CEP57: variants seen among roughly 807,000 people sequenced by gnomAD.
CEP57 encodes the protein centrosomal protein of 57 kDa.
In CEP57, 40 loss-of-function variants were observed where a neutral mutation model predicts 68.0. The ratio of observed to expected loss-of-function variants is 0.59; its 90% CI spans 0.46 to 0.77. The LOEUF (loss-of-function observed/expected upper bound fraction) is 0.77. CEP57 is among the 30% of genes least tolerant of loss of function. The pLI, the probability that CEP57 is intolerant of heterozygous loss-of-function variation, is 0.00. For synonymous variants in CEP57, 219 were observed against 198.7 expected, an observed-to-expected ratio of 1.10 and a Z score of -0.86; for missense variants, 606 against 580.7, an observed-to-expected ratio of 1.04 and a Z score of -0.45.
intron 9 of CEP57, among the ~76,000 whole-genome samples, chr11:95,828,633 T>C (rs1187719788): frequency 6.6e-6 from 1 of 152,244 alleles, no homozygotes; most frequent in Non-Finnish European, 1.5e-5. Context: ...AGAGCAAGAT[T>C]CATCTGTAGA....
chr11:95,800,307 C>T (rs1821533599), intron 2 of CEP57, among the ~76,000 whole-genome samples: 1 of 152,074 alleles, frequency 6.6e-6, no homozygotes, highest in African/African-American at 2.4e-5. Flanking sequence ...ACAGTCTTTG[C>T]TCCTAGAAAC....
chr11:95,813,593 A>G lies in CEP57; in HGVS notation c.504+4A>G, dbSNP rs1018987176. 1.2e-6 allele frequency: 2 copies of G among 1,612,480 alleles called. No homozygotes were observed. The highest frequency in any genetic ancestry group is 2.7e-5 in the African/African-American group (2 of 74,920). ...GACATCTGTCTTAGAGAAACAAGTA[A>G]GTAAAGCACCTCACAGATTGATACT... is the stretch of plus-strand genomic sequence containing the variant. On this transcript the variant is annotated splice_donor_region_variant and intron_variant, in intron 4 of 10. Transcript: ENST00000325542.
At chr11:95,829,420 T>C in intron 10 of CEP57, 89 bp downstream of exon 10, 1 of 1,302,924 alleles carries the variant, frequency 7.7e-7, no homozygotes, top group Non-Finnish European at 1.1e-6. Flanking sequence ...ACTAAGTGTA[T>C]CATAGATAAA....
intron 8 of CEP57, chr11:95,823,081 A>C (rs191038883): frequency 1.8e-5 from 3 of 165,670 alleles, no homozygotes; most frequent in African/African-American, 7.2e-5. Flanking sequence ...TATATCAAGT[A>C]CTGAGTGAAG....
chr11:95,809,923 C>T (rs1308473641), intron 2 of CEP57, among the ~76,000 whole-genome samples: 3 of 152,186 alleles, frequency 2.0e-5, no homozygotes, highest in Non-Finnish European at 4.4e-5. Flanking sequence ...ACCGATATCC[C>T]TGATGATCAT....
At position 95,790,596 on chromosome 11, in the gene CEP57, T is replaced by C; in HGVS notation, c.-103T>C. ...ACCCTTGCCCTTTTCCATCAGGGGT[T>C]CAGCCTAGGGTCCCCGCTGGTGGGC... On this transcript the variant is annotated 5_prime_UTR_variant, in exon 1 of 11. Coordinates refer to ENST00000325542, the MANE Select transcript of CEP57 (RefSeq NM_014679.5). 1 of 1,416,842 alleles carries C rather than the reference T, an allele frequency of 7.1e-7. No individual in the cohort carries two copies. Among genetic ancestry groups the C allele is most frequent in the South Asian group, 1.2e-5 (1 of 81,912 alleles). 87.8% of individuals were successfully genotyped at this position (1,416,842 alleles called of 1,614,324 possible). A position where few individuals can be genotyped will look rare whatever the true frequency, so the allele number is the denominator to read the frequency against.
intron 1 of CEP57, among the ~76,000 whole-genome samples, chr11:95,791,221 C>T (rs546619269): frequency 3.3e-5 from 5 of 152,324 alleles, no homozygotes; most frequent in African/African-American, 9.6e-5. Flanking sequence ...CCTGCAGTGC[C>T]TCCCACTCCC....
intron 8 of CEP57, chr11:95,826,234 C>G (rs1369787753): frequency 6.6e-6 from 1 of 152,110 alleles, no homozygotes; most frequent in Non-Finnish European, 1.5e-5. Flanking sequence ...ACTTTCTCTT[C>G]CTTAGGATTT....
intron 1 of CEP57, chr11:95,795,383 A>G (rs968850139): frequency 1.6e-4 from 61 of 389,508 alleles, no homozygotes; most frequent in East Asian, 1.1e-3. Context: ...TTACATATCT[A>G]TTTTACTCAG....
chr11:95,822,407 G>A, intron 7 of CEP57, 92 bp from the exon 8 acceptor site: 2 of 900,198 alleles, frequency 2.2e-6, no homozygotes, highest in Non-Finnish European at 3.6e-6. Context: ...TAGTAGCCTA[G>A]TAGTTAACTG....
At chr11:95,814,526 A>G (rs1862218580) in intron 4 of CEP57, among the ~76,000 whole-genome samples, 1 of 151,860 alleles carries the variant, frequency 6.6e-6, no homozygotes, top group Admixed American at 6.6e-5. Flanking sequence ...ACACCCGGCT[A>G]ATTTTGTATT....
At chr11:95,813,697 A>G in intron 4 of CEP57, 108 bp downstream of exon 4, 2 of 1,340,854 alleles carry the variant, frequency 1.5e-6, no homozygotes, top group African/African-American at 1.5e-5. Flanking sequence ...GTTACAGCCC[A>G]GGACTGAAAT....
Position 95,822,596 on chromosome 11 carries a change from G to A in CEP57, c.885+20G>A. On this transcript the variant is annotated intron_variant, in intron 8 of 10. Transcript: ENST00000325542. ...GGGAAGGTGAGTTGGTCAAACTCCGGATTCTTTTTATACAACATTGATCCC... is the reference window on the plus strand; with the variant it reads ...GGGAAGGTGAGTTGGTCAAACTCCGAATTCTTTTTATACAACATTGATCCC... The A allele has an allele frequency of 6.3e-7, 1 of 1,590,992 alleles. No individual in the cohort carries two copies. Among genetic ancestry groups the A allele is most frequent in the Non-Finnish European group, 8.6e-7 (1 of 1,159,288 alleles).
chr11:95,818,905 G>T lies in CEP57; in HGVS notation c.699+1G>T, dbSNP rs1452779317. ...ACGCATGCAAGCTAAGGCAGCTGAG[G>T]TAAGTTAAAATGTGAGAAAGTGGGC... On this transcript the variant is annotated splice_donor_variant, in intron 6 of 10. Coordinates refer to ENST00000325542, the MANE Select transcript of CEP57 (RefSeq NM_014679.5). LOFTEE classifies it high-confidence loss of function. 1.2e-6 allele frequency: 2 copies of T among 1,612,960 alleles called. No homozygotes were observed. The highest frequency in any genetic ancestry group is 1.7e-6 in the Non-Finnish European group (2 of 1,179,102).
intron 2 of CEP57, among the ~76,000 whole-genome samples, chr11:95,811,569 T>TA (rs1192355972): frequency 2.0e-5 from 3 of 149,698 alleles, no homozygotes; most frequent in African/African-American, 7.4e-5. Flanking sequence ...CCCTAGAGCT[T>TA]AAAGTATAAT....
Position 95,790,682 on chromosome 11 carries a change from C to T in CEP57, c.-17C>T. ...GACCGCCCCCGAAGTGCGGAGACCCCCTGGGCAGGCTGAAAGATGGCGGCG... is the reference window on the plus strand; with the variant it reads ...GACCGCCCCCGAAGTGCGGAGACCCTCTGGGCAGGCTGAAAGATGGCGGCG... On this transcript the variant is annotated 5_prime_UTR_variant, in exon 1 of 11. Transcript: ENST00000325542. 6.2e-7 allele frequency: 1 copy of T among 1,613,518 alleles called. No individual in the cohort carries two copies. The highest frequency in any genetic ancestry group is 8.5e-7 in the Non-Finnish European group (1 of 1,179,816).
At position 95,828,044 on chromosome 11, in the gene CEP57, T is replaced by G. The variant is rs781187114; in HGVS notation, c.1127+17T>G. ...AATGAGCTTGTGAGTTTTTGTTTTT[T>G]TTTTTAAATTCAGTTTAGCTCTAAA... On this transcript the variant is annotated intron_variant, in intron 9 of 10. Coordinates refer to ENST00000325542, the MANE Select transcript of CEP57 (RefSeq NM_014679.5). 29 of 1,607,746 alleles carry G rather than the reference T, an allele frequency of 1.8e-5. No homozygotes were observed. The Admixed American group carries it at 1.9e-4, about 10-fold the overall frequency.
At chr11:95,808,890 A>G (rs1407733940) in intron 2 of CEP57, among the ~76,000 whole-genome samples, 1 of 152,244 alleles carries the variant, frequency 6.6e-6, no homozygotes. Flanking sequence ...CCCCAAATCA[A>G]TAGAATATAC....
intron 8 of CEP57, chr11:95,827,531 A>G (rs587656): frequency 0.11 from 46,581 of 438,924 alleles, 8,766 homozygotes; most frequent in African/African-American, 0.55. Context: ...GGGGAGGATG[A>G]TAGGACATGA....
Sources: allele counts gnomAD v4.1 joint callset (sites outside exome capture counted in the v4.1 genomes callset), GRCh38; gene constraint gnomAD v4.1.1; transcripts MANE v1.5; gene names NCBI Gene and HGNC (gene_info 2026-07-23, HGNC 2026-07-21).